Variants in CNBD1 observed in about 807,000 individuals in gnomAD.
CNBD1 encodes cyclic nucleotide binding domain containing 1.
A neutral mutation model predicts 54.4 loss-of-function variants in CNBD1; 71 were observed. That is an observed-to-expected ratio of 1.30 (90% CI 1.08 to 1.59). The LOEUF (loss-of-function observed/expected upper bound fraction) is 1.59. CNBD1 is among the 40% of genes most tolerant of loss of function. The pLI is 0.00. For missense variants in CNBD1, 659 were observed against 518.0 expected, an observed-to-expected ratio of 1.27 and a Z score of -2.64; for synonymous variants, 182 against 170.7, an observed-to-expected ratio of 1.07 and a Z score of -0.51.
chr8:87,362,907 A>C (rs953537338), intron 10 of CNBD1, among the ~76,000 whole-genome samples: 1 of 151,978 alleles, frequency 6.6e-6, no homozygotes, highest in Admixed American at 6.6e-5. Flanking sequence ...AAGAACGTGC[A>C]GGTTTGTTAC....
At chr8:87,283,416 T>C (rs560358507) in intron 6 of CNBD1, among the ~76,000 whole-genome samples, 2 of 152,060 alleles carry the variant, frequency 1.3e-5, no homozygotes, top group Non-Finnish European at 2.9e-5. Context: ...GATTTTGTCA[T>C]CAGCAAGGAT....
At chr8:87,373,954 G>C (rs965031289) in intron 10 of CNBD1, among the ~76,000 whole-genome samples, 1 of 151,640 alleles carries the variant, frequency 6.6e-6, no homozygotes, top group African/African-American at 2.4e-5. Context: ...TTAATTGTTA[G>C]AAGCTACAAC....
At chr8:87,266,811 A>C (rs1252707377) in intron 6 of CNBD1, among the ~76,000 whole-genome samples, 1 of 152,042 alleles carries the variant, frequency 6.6e-6, no homozygotes, top group Non-Finnish European at 1.5e-5. Context: ...GGGTTCATTC[A>C]TTTGGGTAAG....
At chr8:87,323,424 T>A (rs1809588925) in intron 8 of CNBD1, among the ~76,000 whole-genome samples, 1 of 138,652 alleles carries the variant, frequency 7.2e-6, no homozygotes, top group Non-Finnish European at 1.6e-5. Flanking sequence ...ATATTGATTC[T>A]TCCTACCCAT....
At position 87,237,049 on chromosome 8, in the gene CNBD1, T is replaced by G; in HGVS notation, c.708T>G (p.Ile236Met). The change falls in exon 6 of 11, where the codon ATT (isoleucine) becomes ATG (methionine). Residue 236 changes from isoleucine (I) to methionine (M), a missense_variant. Ile to Met is a conservative substitution (Grantham distance 10). Coordinates refer to ENST00000518476, the MANE Select transcript of CNBD1 (RefSeq NM_173538.3). ...SFISQSFHSF[I>M]WSEEFKNSTL... The stretch of plus-strand genomic sequence containing the variant: ...TATCTCAGAGTTTCCACAGCTTCAT[T>G]TGGAGTGAAGAATTCAAAAACTCTA... The G allele has an allele frequency of 6.2e-7, 1 of 1,612,132 alleles. No homozygotes were observed.
chr8:86,969,786 A>G (rs886324707), intron 4 of CNBD1, among the ~76,000 whole-genome samples: 1 of 35,738 alleles, frequency 2.8e-5, no homozygotes, highest in African/African-American at 7.1e-5. Flanking sequence ...TGTTTTATAT[A>G]TATATATACA....
intron 4 of CNBD1, among the ~76,000 whole-genome samples, chr8:87,087,521 T>C (rs1586247237): frequency 6.7e-6 from 1 of 148,278 alleles, no homozygotes; most frequent in Non-Finnish European, 1.5e-5. Context: ...TGGAGTGCAG[T>C]GGCGCGATCT....
intron 6 of CNBD1, among the ~76,000 whole-genome samples, chr8:87,266,957 T>C (rs780792639): frequency 6.6e-6 from 1 of 151,906 alleles, no homozygotes; most frequent in Non-Finnish European, 1.5e-5. Context: ...TTCTTCATGG[T>C]ATCATAACAG....
intron 4 of CNBD1, among the ~76,000 whole-genome samples, chr8:87,098,733 TAAAAA>T (rs112867940): frequency 0.51 from 70,773 of 139,336 alleles, 17,151 homozygotes; most frequent in African/African-American, 0.61. Context: ...AACATAGTAA[TAAAAA>T]AAAAAAAAAA....
chr8:87,137,070 C>CTATGTAAATTATATATATTTATATTA (rs1586281989), intron 4 of CNBD1, among the ~76,000 whole-genome samples: 1 of 112,560 alleles, frequency 8.9e-6, no homozygotes, highest in Non-Finnish European at 1.7e-5. Flanking sequence ...TATTTATATT[C>CTATGTAAATTATATATATTTATATTA]TATGTAAATT....
chr8:87,136,521 A>G (rs1275934429), intron 4 of CNBD1, among the ~76,000 whole-genome samples: 1 of 121,468 alleles, frequency 8.2e-6, no homozygotes, highest in African/African-American at 3.1e-5. Context: ...TTTTTATATT[A>G]TATATAAATT....
At chr8:87,346,205 C>A (rs1310348731) in intron 8 of CNBD1, among the ~76,000 whole-genome samples, 19 of 151,866 alleles carry the variant, frequency 1.3e-4, no homozygotes, top group Admixed American at 1.2e-3. Flanking sequence ...CCACGCTCAG[C>A]TAATTTTGTA....
downstream of CNBD1, among the ~76,000 whole-genome samples, chr8:87,387,137 G>T (rs1285471016): frequency 6.6e-6 from 1 of 152,194 alleles, no homozygotes; most frequent in Non-Finnish European, 1.5e-5. Flanking sequence ...ACCGGTACCA[G>T]CCACTGCGAA....
intron 4 of CNBD1, among the ~76,000 whole-genome samples, chr8:87,091,383 T>G (rs1811199949): frequency 6.6e-6 from 1 of 152,152 alleles, no homozygotes; most frequent in South Asian, 2.1e-4. Context: ...ACATGTAGCA[T>G]TGCTATGGAG....
intron 4 of CNBD1, among the ~76,000 whole-genome samples, chr8:87,013,453 GA>G (rs1176513445): frequency 1.3e-5 from 2 of 151,856 alleles, no homozygotes; most frequent in Admixed American, 6.6e-5. Context: ...TTTACTTTCA[GA>G]AAAAAAGTCC....
intron 4 of CNBD1, among the ~76,000 whole-genome samples, chr8:87,061,943 T>G (rs1810556185): frequency 6.6e-6 from 1 of 152,184 alleles, no homozygotes. Flanking sequence ...AAGTGATCAA[T>G]GCTTTTCAGG....
rs1810389985 is a variant in CNBD1, at chr8:87,354,771, G to A, written c.1303+985G>A. ...TTATGGCTGCATAGTATTCCATGGT[G>A]TATATGTGCCACATTTTCTTAACCC... On this transcript the variant is annotated intron_variant, in intron 10 of 10. Transcript: ENST00000518476. Among the ~76,000 whole-genome samples the A allele has an allele frequency of 2.0e-5, 3 of 152,272 alleles. No homozygotes were observed. In the South Asian group the frequency reaches 6.2e-4, roughly 32 times the overall value.
intron 8 of CNBD1, among the ~76,000 whole-genome samples, chr8:87,321,205 T>C (rs1307368425): frequency 1.3e-5 from 2 of 149,364 alleles, no homozygotes; most frequent in East Asian, 1.9e-4. Flanking sequence ...GAAGTAAGAA[T>C]GCTGAATCAC....
At chr8:87,033,062 CAT>C (rs1483334064) in intron 4 of CNBD1, among the ~76,000 whole-genome samples, 8 of 151,464 alleles carry the variant, frequency 5.3e-5, no homozygotes, top group Non-Finnish European at 1.2e-4. Flanking sequence ...CATCTGTACA[CAT>C]GTTTTTCCAG....
Sources: allele counts gnomAD v4.1 joint callset (sites outside exome capture counted in the v4.1 genomes callset), GRCh38; gene constraint gnomAD v4.1.1; transcripts MANE v1.5; gene names NCBI Gene and HGNC (gene_info 2026-07-23, HGNC 2026-07-21).